The following NKAIN2 variants were observed in gnomAD, a reference collection of about 807,000 sequenced individuals.
NKAIN2 encodes the protein sodium/potassium-transporting ATPase subunit beta-1-interacting protein 2.
In NKAIN2, 14 loss-of-function variants were observed where a neutral mutation model predicts 32.6. That is an observed-to-expected ratio of 0.43 (90% confidence interval 0.28 to 0.67). NKAIN2 has a LOEUF of 0.67. Among genes scored for constraint, NKAIN2 ranks in the 30% least tolerant of loss-of-function variants. The pLI is 0.17. For synonymous variants in NKAIN2, 80 were observed against 87.2 expected, an observed-to-expected ratio of 0.92 and a Z score of 0.46; for missense variants, 198 against 258.3, an observed-to-expected ratio of 0.77 and a Z score of 1.60.
intron 1 of NKAIN2, among the ~76,000 whole-genome samples, chr6:124,113,279 A>G (rs568522055): frequency 2.6e-5 from 4 of 152,136 alleles, no homozygotes; most frequent in Non-Finnish European, 4.4e-5. Flanking sequence ...TATGGTGTCT[A>G]TAACCCACTG....
chr6:124,363,132 G>A (rs904590092), intron 3 of NKAIN2, among the ~76,000 whole-genome samples: 1 of 152,138 alleles, frequency 6.6e-6, no homozygotes, highest in Non-Finnish European at 1.5e-5. Context: ...ACCACGCTCA[G>A]CCAGAATTTT....
intron 6 of NKAIN2, among the ~76,000 whole-genome samples, 196 bp downstream of exon 6, chr6:124,818,664 G>A (rs564896931): frequency 4.0e-5 from 6 of 151,864 alleles, no homozygotes; most frequent in Non-Finnish European, 7.4e-5. Flanking sequence ...TATAAGAAAT[G>A]CCATTTCTAA....
intron 1 of NKAIN2, among the ~76,000 whole-genome samples, chr6:124,233,599 A>C (rs73770373): frequency 0.023 from 3,568 of 152,282 alleles, 132 homozygotes; most frequent in African/African-American, 0.082. Context: ...CATGGTGAAA[A>C]TGTGCCCACA....
chr6:124,148,229 A>T (rs1787519405), intron 1 of NKAIN2, among the ~76,000 whole-genome samples: 1 of 152,106 alleles, frequency 6.6e-6, no homozygotes, highest in South Asian at 2.1e-4. Context: ...TACTATTTTA[A>T]CATTTTAAAT....
chr6:124,683,496 T>G (rs1052886259), intron 4 of NKAIN2, among the ~76,000 whole-genome samples: 2 of 152,156 alleles, frequency 1.3e-5, no homozygotes, highest in African/African-American at 2.4e-5. Flanking sequence ...TTAGGGAGGT[T>G]GATAATGCAT....
intron 1 of NKAIN2, among the ~76,000 whole-genome samples, chr6:124,139,078 A>ATTTTTT (rs1161013269): frequency 5.7e-4 from 42 of 73,558 alleles, no homozygotes; most frequent in South Asian, 1.5e-3. Context: ...TTTAAATAAA[A>ATTTTTT]ATTTTTTTTT....
intron 1 of NKAIN2, among the ~76,000 whole-genome samples, chr6:124,002,367 T>C (rs2114715045): frequency 6.6e-6 from 1 of 152,296 alleles, no homozygotes; most frequent in East Asian, 1.9e-4. Flanking sequence ...AACCTTATTC[T>C]GGGTGCTGAA....
intron 2 of NKAIN2, among the ~76,000 whole-genome samples, chr6:124,294,563 C>T (rs779918005): frequency 4.6e-5 from 7 of 152,128 alleles, no homozygotes; most frequent in Non-Finnish European, 8.8e-5. Context: ...TACTACAAAA[C>T]CCCTTTTGTA....
At chr6:123,888,707 A>T (rs542888113) in intron 1 of NKAIN2, among the ~76,000 whole-genome samples, 36 of 152,256 alleles carry the variant, frequency 2.4e-4, no homozygotes, top group African/African-American at 8.2e-4. Context: ...TTTTAGTACT[A>T]CATTTCTACC....
chr6:124,742,618 G>A (rs551301510), intron 4 of NKAIN2, among the ~76,000 whole-genome samples: 1 of 151,710 alleles, frequency 6.6e-6, no homozygotes, highest in South Asian at 2.1e-4. Context: ...TTCTCTTTTT[G>A]GTTCTGTTTC....
intron 1 of NKAIN2, among the ~76,000 whole-genome samples, chr6:123,923,887 T>G (rs989815130): frequency 6.6e-6 from 1 of 150,914 alleles, no homozygotes; most frequent in Non-Finnish European, 1.5e-5. Context: ...CACATGTATA[T>G]GTATGTAACT....
At chr6:124,121,091 C>A (rs1044589106) in intron 1 of NKAIN2, among the ~76,000 whole-genome samples, 1 of 152,004 alleles carries the variant, frequency 6.6e-6, no homozygotes, top group African/African-American at 2.4e-5. Context: ...TTTCTGCAAA[C>A]GGATAGAAAT....
At chr6:124,290,020 G>C (rs1375021344) in intron 2 of NKAIN2, among the ~76,000 whole-genome samples, 1 of 151,110 alleles carries the variant, frequency 6.6e-6, no homozygotes, top group East Asian at 1.9e-4. Flanking sequence ...GTGAAAATAA[G>C]TCTTTTCCCA....
chr6:124,665,590 T>G (rs1458533491), intron 4 of NKAIN2, among the ~76,000 whole-genome samples: 1 of 152,194 alleles, frequency 6.6e-6, no homozygotes, highest in Non-Finnish European at 1.5e-5. Context: ...TTTGTTTTCC[T>G]TAGGCTTGAT....
intron 3 of NKAIN2, among the ~76,000 whole-genome samples, chr6:124,633,368 T>C (rs1346204696): frequency 6.6e-6 from 1 of 152,182 alleles, no homozygotes; most frequent in East Asian, 1.9e-4. Context: ...TAACAATAAG[T>C]TGCAGACTTA....
chr6:124,237,569 G>T (rs547339199), intron 1 of NKAIN2, among the ~76,000 whole-genome samples: 2 of 152,112 alleles, frequency 1.3e-5, no homozygotes, highest in Non-Finnish European at 2.9e-5. Context: ...AAGAAGATTA[G>T]TGTGAATGAT....
At chr6:123,950,436 T>C in intron 1 of NKAIN2, among the ~76,000 whole-genome samples, 1 of 152,016 alleles carries the variant, frequency 6.6e-6, no homozygotes, top group Non-Finnish European at 1.5e-5. Context: ...CTTAGACTTT[T>C]ATTTGTGGGA....
At chr6:123,842,417 A>G (rs1363286960) in intron 1 of NKAIN2, among the ~76,000 whole-genome samples, 1 of 152,076 alleles carries the variant, frequency 6.6e-6, no homozygotes, top group East Asian at 1.9e-4. Context: ...TAAGGACACT[A>G]GACCTATCAG....
chr6:124,409,945 T>C (rs949980252), intron 3 of NKAIN2, among the ~76,000 whole-genome samples: 4 of 152,218 alleles, frequency 2.6e-5, no homozygotes, highest in African/African-American at 7.2e-5. Context: ...TCGAGGAATT[T>C]ATCCATTTCT....
Sources: gnomAD v4.1 joint callset for allele counts (sites outside exome capture counted in the v4.1 genomes callset) on GRCh38, gnomAD v4.1.1 for gene constraint, MANE v1.5 for transcripts, NCBI Gene and HGNC (gene_info 2026-07-23, HGNC 2026-07-21) for gene names.